Variants in KLHL25 observed in about 807,000 individuals in gnomAD.
KLHL25 encodes kelch like family member 25, also known as kelch-like protein 25.
In KLHL25, 41 loss-of-function variants were observed where a neutral mutation model predicts 30.0. That is an observed-to-expected ratio of 1.37 (90% confidence interval 1.07 to 1.78). The LOEUF (loss-of-function observed/expected upper bound fraction) is 1.78. KLHL25 is among the 40% of genes most tolerant of loss of function. The probability of loss-of-function intolerance (pLI) is 0.00; values close to 1 mark genes in which losing one functional copy is unlikely to be tolerated. For missense variants in KLHL25, 971 were observed against 824.5 expected, an observed-to-expected ratio of 1.18 and a Z score of -2.18; for synonymous variants, 399 against 355.3, an observed-to-expected ratio of 1.12 and a Z score of -1.38.
Position 85,768,882 on chromosome 15 carries a change from A to C in KLHL25, c.929T>G (p.Ile310Ser), listed in dbSNP as rs745490918. The change falls in exon 2 of 3, where the codon ATC becomes AGC. Residue 310 changes from isoleucine to serine, a missense_variant. By Grantham distance (142) the Ile-to-Ser change is moderately radical. Transcript: ENST00000337975. ...LGGQTFMCDK[I>S]YQVDHKAKEI... ...CTTGGCCTTGTGGTCCACCTGGTAG[A>C]TCTTGTCACACATGAAGGTCTGGCC... 1.2e-6 allele frequency: 2 copies of C among 1,613,290 alleles called. No individual in the cohort carries two copies. The highest frequency in any genetic ancestry group is 2.2e-5 in the East Asian group (1 of 44,868).
chr15:85,788,053 T>C lies in KLHL25; in HGVS notation c.-11+6713A>G, dbSNP rs1370949548. On this transcript the variant is annotated intron_variant, in intron 1 of 2. Transcript: ENST00000337975. ...CCTGGGCAATGAGAGGGAAACTAGA[T>C]CTCAAAAAAAAAAAAAAAAAAAAAA... Among the ~76,000 whole-genome samples the C allele has an allele frequency of 4.1e-4, 15 of 36,186 alleles. 1 individual carries two copies. The East Asian group carries it at 9.9e-3, about 24-fold the overall frequency. 23.7% of individuals were successfully genotyped at this position (36,186 alleles called of 152,430 possible).
intron 1 of KLHL25, among the ~76,000 whole-genome samples, chr15:85,771,873 G>A (rs145934245): frequency 2.6e-4 from 40 of 152,312 alleles, no homozygotes; most frequent in African/African-American, 9.4e-4. Flanking sequence ...ACTATTTCCT[G>A]AGCACATCCT....
chr15:85,794,300 G>A (rs1487173298), intron 1 of KLHL25, among the ~76,000 whole-genome samples: 2 of 152,226 alleles, frequency 1.3e-5, no homozygotes, highest in Non-Finnish European at 2.9e-5. Context: ...CTCCCCTTGT[G>A]AACCCCGGGC....
Position 85,769,153 on chromosome 15 carries a change from GC to G in KLHL25, c.657del (p.Lys219AsnfsTer126), listed in dbSNP as rs2089649602. On this transcript the variant is annotated frameshift_variant, in exon 2 of 3. Coordinates refer to ENST00000337975, the MANE Select transcript of KLHL25 (RefSeq NM_022480.4). LOFTEE classifies it high-confidence loss of function. Reference sequence around the variant, plus strand: ...TGGACCTTCCGTGGCTCCAGGTCGTGCTTCACCCACTGGAGGATGGCCTCGA... The same window carrying G: ...TGGACCTTCCGTGGCTCCAGGTCGTGTTCACCCACTGGAGGATGGCCTCGA... ...VVFEAILQWV[K>X]HDLEPRKVHL... is the part of the protein sequence containing the mutation. The G allele has an allele frequency of 6.2e-7, 1 of 1,612,496 alleles. No individual in the cohort carries two copies. The highest frequency in any genetic ancestry group is 1.7e-5 in the Admixed American group (1 of 60,002).
At position 85,768,531 on chromosome 15, in the gene KLHL25, A is replaced by G. The variant is rs776753616; in HGVS notation, c.1280T>C (p.Val427Ala). Residue 427 changes from valine to alanine, a missense_variant, in exon 2 of 3, where the codon GTG becomes GCG. Val to Ala is a moderately conservative substitution (Grantham distance 64). Coordinates refer to ENST00000337975, the MANE Select transcript of KLHL25 (RefSeq NM_022480.4). ...YDPGANKWMM[V>A]APLRDGVSNA... is the part of the protein sequence containing the mutation. Reference sequence around the variant, plus strand: ...GCTGACGCCATCCCGCAAGGGGGCCACCATCATCCACTTGTTGGCCCCAGG... The same window carrying G: ...GCTGACGCCATCCCGCAAGGGGGCCGCCATCATCCACTTGTTGGCCCCAGG... 6.8e-6 allele frequency: 11 copies of G among 1,613,608 alleles called. No homozygotes were observed. The South Asian group carries it at 1.2e-4, about 18-fold the overall frequency.
chr15:85,768,734 C>G lies in KLHL25; in HGVS notation c.1077G>C (p.Trp359Cys). 6.2e-7 allele frequency: 1 copy of G among 1,613,328 alleles called. No homozygotes were observed. Among genetic ancestry groups the G allele is most frequent in the South Asian group, 1.1e-5 (1 of 91,086 alleles). The change falls in exon 2 of 3, where the codon TGG becomes TGC. Residue 359 changes from tryptophan (W) to cysteine (C), a missense_variant. Physicochemically the swap from Trp to Cys is radical, Grantham distance 215 (BLOSUM62 -2). Transcript: ENST00000337975. ...ATTCCTCATGTACGGTGTCGTACAC[C>G]CAGACATCCTTGGAGACCCCGTTCT... ...GSENGVSKDV[W>C]VYDTVHEEWS... is the part of the protein sequence containing the mutation.
chr15:85,779,619 T>C (rs2089731340), intron 1 of KLHL25, among the ~76,000 whole-genome samples: 1 of 152,206 alleles, frequency 6.6e-6, no homozygotes, highest in African/African-American at 2.4e-5. Context: ...ACTTTTAAAT[T>C]ATTGCAGTTA....
At chr15:85,769,904 CT>C in intron 1 of KLHL25, 84 bp from the exon 2 acceptor site, 1 of 1,125,750 alleles carries the variant, frequency 8.9e-7, no homozygotes, top group Non-Finnish European at 1.3e-6. Flanking sequence ...CACAAGCCCC[CT>C]TGTCCCCTCC....
intron 2 of KLHL25, among the ~76,000 whole-genome samples, chr15:85,767,781 T>C (rs1262421432): frequency 6.6e-6 from 1 of 152,200 alleles, no homozygotes; most frequent in Non-Finnish European, 1.5e-5. Flanking sequence ...GGAACCACCA[T>C]GTTGGTCTAA....
At position 85,768,109 on chromosome 15, in the gene KLHL25, T is replaced by G; in HGVS notation, c.1702A>C (p.Ile568Leu). ...YDPTSDTWNC[I>L]TTVPYSLIPT... ...ATAAGTGAGTAGGGCACTGTGGTGA[T>G]GCAGTTCCATGTATCTGAAGTGGGG... The change falls in exon 2 of 3, where the codon ATC becomes CTC. Residue 568 changes from isoleucine to leucine, a missense_variant. Physicochemically the swap from Ile to Leu is conservative, Grantham distance 5. Transcript: ENST00000337975. 6.2e-7 allele frequency: 1 copy of G among 1,614,218 alleles called. No homozygotes were observed. The highest frequency in any genetic ancestry group is 1.1e-5 in the South Asian group (1 of 91,080).
rs761980934 is a variant in KLHL25 at position 85,768,905 on chromosome 15, G to T, written c.906C>A (p.Gly302=). 2.6e-5 allele frequency: 42 copies of T among 1,613,194 alleles called. No homozygotes were observed. The highest frequency in any genetic ancestry group is 1.6e-4 in the Middle Eastern group (1 of 6,084). ...AGATCTTGTCACACATGAAGGTCTG[G>T]CCCCCCAGGATGAGTAGCGTGTGGC... ...KAGHTLLILG[G]QTFMCDKIYQ... The change falls in exon 2 of 3, where the codon GGC becomes GGA. Residue 302 remains glycine (G), a synonymous_variant. Coordinates refer to ENST00000337975, the MANE Select transcript of KLHL25 (RefSeq NM_022480.4).
At chr15:85,777,770 T>C (rs2151810458) in intron 1 of KLHL25, among the ~76,000 whole-genome samples, 1 of 152,296 alleles carries the variant, frequency 6.6e-6, no homozygotes, top group Non-Finnish European at 1.5e-5. Flanking sequence ...GGTGAAGCTC[T>C]TCTTCACAAA....
At chr15:85,794,199 T>A (rs936414482) in intron 1 of KLHL25, among the ~76,000 whole-genome samples, 2 of 152,160 alleles carry the variant, frequency 1.3e-5, no homozygotes, top group Non-Finnish European at 2.9e-5. Context: ...GACCTTTCTC[T>A]GCCGCTGGAC....
At chr15:85,770,661 G>A in intron 1 of KLHL25, 1 of 446,570 alleles carries the variant, frequency 2.2e-6, no homozygotes, top group Non-Finnish European at 4.7e-6. Flanking sequence ...AGGACATGCC[G>A]AACCCTAACG....
intron 1 of KLHL25, among the ~76,000 whole-genome samples, chr15:85,774,022 G>A (rs1399610492): frequency 6.6e-6 from 1 of 152,136 alleles, no homozygotes; most frequent in African/African-American, 2.4e-5. Flanking sequence ...CAAGATATAT[G>A]TGTTCAGTAC....
rs943665544 is a variant in KLHL25 at position 85,780,100 on chromosome 15, C to T, written c.-10-10280G>A. Among the ~76,000 whole-genome samples the T allele has an allele frequency of 8.5e-5, 13 of 152,276 alleles. No individual in the cohort carries two copies. In the South Asian group the frequency reaches 2.1e-3, roughly 24 times the overall value. ...AACTGTCAAGGCAGATGGAAGGTGC[C>T]GCCTGGCTTCTACCTGCCACATGCC... On this transcript the variant is annotated intron_variant, in intron 1 of 2. Transcript: ENST00000337975.
intron 1 of KLHL25, among the ~76,000 whole-genome samples, chr15:85,782,630 C>G (rs535671036): frequency 6.6e-6 from 1 of 152,160 alleles, no homozygotes; most frequent in African/African-American, 2.4e-5. Flanking sequence ...ATGTGGATGG[C>G]CTTGTCCACA....
At chr15:85,777,353 A>C (rs1255970292) in intron 1 of KLHL25, among the ~76,000 whole-genome samples, 2 of 152,214 alleles carry the variant, frequency 1.3e-5, no homozygotes, top group East Asian at 3.8e-4. Flanking sequence ...GGTCAAGATC[A>C]ACAGTGCCAC....
intron 2 of KLHL25, chr15:85,761,287 C>T (rs1403132412): frequency 6.6e-6 from 1 of 152,270 alleles, no homozygotes; most frequent in Non-Finnish European, 1.5e-5. Flanking sequence ...GGAAGGGAAA[C>T]CCAGGCGGCT....
Sources: gnomAD v4.1 joint callset for allele counts (sites outside exome capture counted in the v4.1 genomes callset) on GRCh38, gnomAD v4.1.1 for gene constraint, MANE v1.5 for transcripts, NCBI Gene and HGNC (gene_info 2026-07-23, HGNC 2026-07-21) for gene names.